Variants in GPHN observed in about 807,000 individuals in gnomAD.
The protein encoded by GPHN is gephyrin.
A neutral mutation model predicts 95.5 loss-of-function variants in GPHN; 17 were observed. The observed-to-expected ratio is 0.18, with a 90% CI of 0.12 to 0.27. The LOEUF (loss-of-function observed/expected upper bound fraction) is 0.27. Among genes scored for constraint, GPHN ranks in the 10% least tolerant of loss-of-function variants. The pLI is 1.00. For missense variants in GPHN, 660 were observed against 978.1 expected (o/e 0.67, Z 4.34); for synonymous variants, 320 against 322.5 (o/e 0.99, Z 0.08).
the GPHN span, chr14:67,729,441 T>A: frequency 6.6e-7 from 1 of 1,524,022 alleles, no homozygotes; most frequent in African/African-American, 1.4e-5. Context: ...CCGGACTCGC[T>A]GGGCTGTTCA....
chr14:66,688,179 T>G (rs559468363), intron 2 of GPHN, among the ~76,000 whole-genome samples: 1 of 152,300 alleles, frequency 6.6e-6, no homozygotes, highest in Admixed American at 6.5e-5. Context: ...AGAAAAATAT[T>G]TACTATTCAC....
At chr14:67,561,886 AGAATTG>A in the GPHN span, 2 of 1,108,314 alleles carry the variant, frequency 1.8e-6, no homozygotes, top group Admixed American at 2.3e-5. Context: ...AAAAAAAAAA[AGAATTG>A]AAAAAATACA....
intron 19 of GPHN, among the ~76,000 whole-genome samples, chr14:67,161,112 G>A (rs562166004): frequency 6.1e-4 from 93 of 152,164 alleles, no homozygotes; most frequent in African/African-American, 2.1e-3. Flanking sequence ...GAGCAACATC[G>A]AGAAACCCCA....
At chr14:66,662,625 A>T (rs1302296091) in intron 1 of GPHN, among the ~76,000 whole-genome samples, 2 of 152,224 alleles carry the variant, frequency 1.3e-5, no homozygotes, top group East Asian at 3.9e-4. Context: ...AGAGGCTGAG[A>T]TGGCCGAAAT....
chr14:67,163,710 G>C (rs997481418), intron 19 of GPHN, among the ~76,000 whole-genome samples: 1 of 152,028 alleles, frequency 6.6e-6, no homozygotes, highest in Non-Finnish European at 1.5e-5. Context: ...TCCAAAAAGA[G>C]TAAAAATAAA....
chr14:67,659,761 A>T, the GPHN span: 1 of 1,613,572 alleles, frequency 6.2e-7, no homozygotes, highest in Non-Finnish European at 8.5e-7. Context: ...CATATATGCC[A>T]TATTTCATGT....
At position 67,139,078 on chromosome 14, in the gene GPHN, C is replaced by T. The variant is rs192668921; in HGVS notation, c.1749-4284C>T. Among the ~76,000 whole-genome samples the T allele has an allele frequency of 3.0e-3, 448 of 151,586 alleles. 2 individuals are homozygous for T. Among genetic ancestry groups the T allele is most frequent in the South Asian group, 0.014 (67 of 4,786 alleles). ...CTCTACTAAAAATACAAAACATTAG[C>T]CAGCCATGGTGGCGGACATTTGTAA... On this transcript the variant is annotated intron_variant, in intron 17 of 22. Coordinates refer to ENST00000478722, the MANE Select transcript of GPHN (RefSeq NM_020806.5).
At chr14:67,084,129 A>G (rs2076797916) in intron 11 of GPHN, among the ~76,000 whole-genome samples, 1 of 152,194 alleles carries the variant, frequency 6.6e-6, no homozygotes, top group Non-Finnish European at 1.5e-5. Flanking sequence ...CCACAATACA[A>G]TATGAAAAGT....
At chr14:66,924,899 T>C (rs1029807598) in intron 8 of GPHN, among the ~76,000 whole-genome samples, 2 of 151,846 alleles carry the variant, frequency 1.3e-5, no homozygotes, top group African/African-American at 4.8e-5. Context: ...AAGATTAAAC[T>C]GATACATAAA....
intron 9 of GPHN, among the ~76,000 whole-genome samples, chr14:66,992,810 G>A (rs1455624277): frequency 1.2e-4 from 19 of 152,226 alleles, no homozygotes; most frequent in East Asian, 5.8e-4. Context: ...TTTATGGCAT[G>A]TGAAAATTAT....
the GPHN span, among the ~76,000 whole-genome samples, chr14:67,376,961 C>G: frequency 6.6e-6 from 1 of 152,306 alleles, no homozygotes; most frequent in South Asian, 2.1e-4. Context: ...TAGCCTGGGC[C>G]TTACTATCAC....
chr14:67,247,800 A>C, the GPHN span, among the ~76,000 whole-genome samples: 1 of 152,066 alleles, frequency 6.6e-6, no homozygotes, highest in Non-Finnish European at 1.5e-5. Flanking sequence ...GCTGGTCTCA[A>C]ATTCCTGGGC....
the GPHN span, among the ~76,000 whole-genome samples, chr14:67,623,835 C>G: frequency 6.6e-6 from 1 of 152,096 alleles, no homozygotes; most frequent in Admixed American, 6.5e-5. Context: ...AGCCACTGCT[C>G]CCAGCCACCT....
intron 18 of GPHN, among the ~76,000 whole-genome samples, chr14:67,145,312 T>C (rs61990925): frequency 0.07 from 10,598 of 152,266 alleles, 539 homozygotes; most frequent in Non-Finnish European, 0.11. Context: ...ATACATAGGC[T>C]TGGCAATTGT....
At chr14:67,273,886 T>A in the GPHN span, among the ~76,000 whole-genome samples, 1 of 152,232 alleles carries the variant, frequency 6.6e-6, no homozygotes, top group Non-Finnish European at 1.5e-5. Context: ...TAATGAGCAT[T>A]TTTTCATGTG....
chr14:67,523,319 T>C, the GPHN span, among the ~76,000 whole-genome samples: 1 of 108,706 alleles, frequency 9.2e-6, no homozygotes, highest in Non-Finnish European at 1.9e-5. Flanking sequence ...TAAGACTCCA[T>C]CTCAAAAAAA....
intron 1 of GPHN, among the ~76,000 whole-genome samples, chr14:66,532,353 T>C (rs2058975682): frequency 6.6e-6 from 1 of 152,182 alleles, no homozygotes. Context: ...TTCCTTAGCC[T>C]CATGGTGTGA....
At chr14:66,694,544 C>T (rs1317401121) in intron 2 of GPHN, among the ~76,000 whole-genome samples, 1 of 152,134 alleles carries the variant, frequency 6.6e-6, no homozygotes, top group Non-Finnish European at 1.5e-5. Context: ...TGGACGTAGA[C>T]CTTACACCCT....
intron 9 of GPHN, among the ~76,000 whole-genome samples, chr14:66,988,026 A>AT (rs200198787): frequency 1.0e-3 from 151 of 151,208 alleles, no homozygotes; most frequent in African/African-American, 3.3e-3. Flanking sequence ...TCACTTGGTG[A>AT]TTTTTTTTTC....
Sources: gnomAD v4.1 joint callset for allele counts (sites outside exome capture counted in the v4.1 genomes callset) on GRCh38, gnomAD v4.1.1 for gene constraint, MANE v1.5 for transcripts, NCBI Gene and HGNC (gene_info 2026-07-23, HGNC 2026-07-21) for gene names.